Variants in HDAC9 observed in about 807,000 individuals in gnomAD.
HDAC9 encodes the protein histone deacetylase 9.
HDAC9 carries 41 observed loss-of-function variants against 139.4 expected under a neutral mutation model. The observed-to-expected ratio is 0.29, with a 90% CI of 0.23 to 0.38. The LOEUF (loss-of-function observed/expected upper bound fraction) is 0.38, where lower values mean the gene tolerates loss of function less well. Among genes scored for constraint, HDAC9 ranks in the 10% least tolerant of loss-of-function variants. HDAC9 has a pLI of 1.00. For missense variants in HDAC9, 1,147 were observed against 1,297.0 expected, an observed-to-expected ratio of 0.88 and a Z score of 1.78; for synonymous variants, 517 against 476.2, an observed-to-expected ratio of 1.09 and a Z score of -1.12.
chr7:18,739,159 AT>A (rs1787208885), intron 13 of HDAC9, among the ~76,000 whole-genome samples: 4 of 152,236 alleles, frequency 2.6e-5, no homozygotes, highest in Admixed American at 2.0e-4. Flanking sequence ...TTAGCCATTC[AT>A]CTAATCTTTT....
At chr7:18,285,254 AC>A (rs1442862270) in intron 2 of HDAC9, among the ~76,000 whole-genome samples, 1 of 151,840 alleles carries the variant, frequency 6.6e-6, no homozygotes, top group African/African-American at 2.4e-5. Flanking sequence ...CCCCTTTCTT[AC>A]TCAGTATTGT....
chr7:18,270,561 T>C (rs907805728), intron 2 of HDAC9, among the ~76,000 whole-genome samples: 3 of 152,202 alleles, frequency 2.0e-5, no homozygotes, highest in African/African-American at 7.2e-5. Flanking sequence ...TATCAAAAGT[T>C]TAAACGTTAT....
At chr7:18,928,982 T>A (rs1430616410) in intron 22 of HDAC9, among the ~76,000 whole-genome samples, 2 of 152,102 alleles carry the variant, frequency 1.3e-5, no homozygotes, top group Non-Finnish European at 2.9e-5. Context: ...TAGTTTTTTT[T>A]AATGAAAATT....
chr7:18,419,244 A>G (rs531898168), intron 1 of HDAC9, among the ~76,000 whole-genome samples: 55 of 152,300 alleles, frequency 3.6e-4, no homozygotes, highest in African/African-American at 1.3e-3. Context: ...ATGAGAAAAA[A>G]TGCCTTTTTA....
At chr7:18,144,940 A>G (rs1003373094) in intron 1 of HDAC9, among the ~76,000 whole-genome samples, 16 of 152,216 alleles carry the variant, frequency 1.1e-4, no homozygotes, top group African/African-American at 3.9e-4. Flanking sequence ...GTAAAAATGT[A>G]TTTTGAATGA....
At chr7:18,356,010 G>T (rs1255650931) in intron 1 of HDAC9, among the ~76,000 whole-genome samples, 2 of 151,916 alleles carry the variant, frequency 1.3e-5, no homozygotes, top group Non-Finnish European at 2.9e-5. Context: ...TGTACAATCT[G>T]GTTTAAATGA....
chr7:18,283,377 A>T (rs1797230302), intron 2 of HDAC9, among the ~76,000 whole-genome samples: 1 of 152,186 alleles, frequency 6.6e-6, no homozygotes, highest in South Asian at 2.1e-4. Context: ...AGGCCCCTCC[A>T]CCAATATGTG....
chr7:18,466,783 G>A (rs1435416526), intron 1 of HDAC9, among the ~76,000 whole-genome samples: 2 of 152,182 alleles, frequency 1.3e-5, no homozygotes, highest in Non-Finnish European at 2.9e-5. Flanking sequence ...TGAAAATCAT[G>A]TGGTCAAAAA....
chr7:18,325,688 A>T (rs531454766), intron 1 of HDAC9: 70 of 152,212 alleles, frequency 4.6e-4, no homozygotes, highest in Middle Eastern at 3.4e-3. Flanking sequence ...AAGCAAAAAA[A>T]AATAATAAAA....
intron 2 of HDAC9, among the ~76,000 whole-genome samples, chr7:18,525,282 G>C (rs530066057): frequency 2.1e-4 from 32 of 151,522 alleles, no homozygotes; most frequent in Non-Finnish European, 4.4e-4. Flanking sequence ...TAATATTGGC[G>C]ACTTAAAAAA....
chr7:18,912,909 A>G lies in HDAC9; in HGVS notation c.2804-22900A>G, dbSNP rs543486189. Among the ~76,000 whole-genome samples, 5 of 152,182 alleles carry G rather than the reference A, an allele frequency of 3.3e-5. No homozygotes were observed. In the East Asian group the frequency reaches 5.8e-4, roughly 18 times the overall value. On this transcript the variant is annotated intron_variant, in intron 22 of 25. Coordinates refer to ENST00000686413, the MANE Select transcript of HDAC9 (RefSeq NM_178425.4). ...AATATGCTCATGCACCTTGAAATGTATGTTCTGCTAGAGCTTAAATAATGT... is the reference window on the plus strand; with the variant it reads ...AATATGCTCATGCACCTTGAAATGTGTGTTCTGCTAGAGCTTAAATAATGT...
chr7:18,992,882 C>G (rs1317226348), intron 25 of HDAC9, among the ~76,000 whole-genome samples: 2 of 152,138 alleles, frequency 1.3e-5, no homozygotes, highest in African/African-American at 2.4e-5. Flanking sequence ...TAAAATTTAT[C>G]TTTGCTGGGT....
chr7:18,806,702 T>C (rs1457823075), intron 17 of HDAC9, among the ~76,000 whole-genome samples: 1 of 152,210 alleles, frequency 6.6e-6, no homozygotes. Context: ...ATGCTGAATT[T>C]TGTCAAATGC....
At chr7:18,775,590 A>T (rs1790694077) in intron 16 of HDAC9, among the ~76,000 whole-genome samples, 1 of 151,954 alleles carries the variant, frequency 6.6e-6, no homozygotes. Flanking sequence ...TTTACCATCC[A>T]TTCATTCATT....
chr7:18,951,066 C>A lies in HDAC9; in HGVS notation c.2938-3080C>A, dbSNP rs547916788. Among the ~76,000 whole-genome samples, 26 of 152,026 alleles carry A rather than the reference C, an allele frequency of 1.7e-4. No homozygotes were observed. The South Asian group carries it at 4.6e-3, about 27-fold the overall frequency. ...TCAGTACAGCGTAAATTTTAAAAAT[C>A]TTACTCAACAGCTTCTCCAAGAATA... is the stretch of plus-strand genomic sequence containing the variant. On this transcript the variant is annotated intron_variant, in intron 23 of 25. Coordinates refer to ENST00000686413, the MANE Select transcript of HDAC9 (RefSeq NM_178425.4).
intron 1 of HDAC9, among the ~76,000 whole-genome samples, chr7:18,458,514 T>G (rs1793550416): frequency 6.6e-6 from 1 of 152,218 alleles, no homozygotes; most frequent in Non-Finnish European, 1.5e-5. Flanking sequence ...GGAAGTAAGA[T>G]TTATTGTCCT....
intron 12 of HDAC9, among the ~76,000 whole-genome samples, chr7:18,681,872 A>G (rs1200741061): frequency 6.6e-6 from 1 of 152,036 alleles, no homozygotes; most frequent in Non-Finnish European, 1.5e-5. Context: ...TACTGAATAA[A>G]TGACAATCTG....
intron 22 of HDAC9, among the ~76,000 whole-genome samples, chr7:18,878,067 A>T (rs929323340): frequency 3.3e-5 from 5 of 152,188 alleles, no homozygotes; most frequent in Non-Finnish European, 7.4e-5. Flanking sequence ...ATGCTGATTC[A>T]GATATAGTTG....
chr7:18,244,495 G>C (rs1794387915), intron 2 of HDAC9, among the ~76,000 whole-genome samples: 1 of 152,090 alleles, frequency 6.6e-6, no homozygotes, highest in African/African-American at 2.4e-5. Flanking sequence ...TTACAGATTG[G>C]TATTGCTTAG....
Sources: gnomAD v4.1 joint callset for allele counts (sites outside exome capture counted in the v4.1 genomes callset) on GRCh38, gnomAD v4.1.1 for gene constraint, MANE v1.5 for transcripts, NCBI Gene and HGNC (gene_info 2026-07-23, HGNC 2026-07-21) for gene names.